Variants in ZDHHC20 observed in about 807,000 individuals in gnomAD.
The protein encoded by ZDHHC20 is zDHHC palmitoyltransferase 20.
Under a neutral mutation model 57.8 loss-of-function variants are expected in ZDHHC20, and 43 were observed. The observed-to-expected ratio is 0.74, with a 90% CI of 0.58 to 0.96. ZDHHC20 has a LOEUF of 0.96. Ranked by LOEUF, ZDHHC20 falls within the 40% of genes least tolerant of loss-of-function variation. ZDHHC20 has a pLI of 0.00. For synonymous variants in ZDHHC20, 157 were observed against 153.0 expected, an observed-to-expected ratio of 1.03 and a Z score of -0.19; for missense variants, 391 against 441.1, an observed-to-expected ratio of 0.89 and a Z score of 1.02.
At chr13:21,404,549 A>G (rs9580101) in intron 4 of ZDHHC20, among the ~76,000 whole-genome samples, 77,362 of 151,764 alleles carry the variant, frequency 0.51, 20,233 homozygotes, top group Non-Finnish European at 0.58. Context: ...TCAGGAGATT[A>G]AGACCATCCT....
At chr13:21,425,701 G>T in intron 1 of ZDHHC20, 23 bp from the exon 2 acceptor site, 1 of 1,114,518 alleles carries the variant, frequency 9.0e-7, no homozygotes, top group East Asian at 3.4e-5. Flanking sequence ...AAAAAATAGT[G>T]AATAAATATA....
intron 11 of ZDHHC20, among the ~76,000 whole-genome samples, chr13:21,379,988 T>C (rs1008442642): frequency 1.3e-5 from 2 of 150,498 alleles, no homozygotes; most frequent in African/African-American, 4.9e-5. Flanking sequence ...TCTAATTTTT[T>C]GTATTTTCAG....
chr13:21,429,270 G>A (rs1488603477), intron 1 of ZDHHC20, among the ~76,000 whole-genome samples: 3 of 152,186 alleles, frequency 2.0e-5, no homozygotes, highest in Admixed American at 6.5e-5. Flanking sequence ...TGAGAAAGAA[G>A]CTCTATTATT....
intron 1 of ZDHHC20, among the ~76,000 whole-genome samples, chr13:21,430,636 T>C (rs112637168): frequency 5.3e-5 from 8 of 152,208 alleles, no homozygotes; most frequent in African/African-American, 1.9e-4. Context: ...GGGCAGTTAT[T>C]GTCTACAAGT....
chr13:21,424,743 A>G (rs553342782), intron 2 of ZDHHC20, among the ~76,000 whole-genome samples: 18 of 151,954 alleles, frequency 1.2e-4, no homozygotes, highest in African/African-American at 4.3e-4. Flanking sequence ...GAGACACGGT[A>G]AAAATAGCCC....
At position 21,375,265 on chromosome 13, in the gene ZDHHC20, G is replaced by C. The variant is rs1250051925; in HGVS notation, c.*1431C>G. ...CCCTGCAGTCCCATTTTACAGACAG[G>C]AAGCTCCAACCTGTAGTACTCACAG... On this transcript the variant is annotated 3_prime_UTR_variant, in exon 13 of 13. Coordinates refer to ENST00000400590, the MANE Select transcript of ZDHHC20 (RefSeq NM_001330059.2). 1 of 435,766 alleles carries C rather than the reference G, an allele frequency of 2.3e-6. No individual in the cohort carries two copies. Among genetic ancestry groups the C allele is most frequent in the African/African-American group, 2.0e-5 (1 of 49,342 alleles). The allele number at this position is 435,766 out of a possible 1,614,324, so 27.0% of individuals were successfully genotyped here.
rs71093307 is a variant in ZDHHC20, at chr13:21,393,699, C to CAAAAAAAAA, written c.595-1854_595-1846dup. Among the ~76,000 whole-genome samples, 95 of 63,414 alleles carry CAAAAAAAAA rather than the reference C, an allele frequency of 1.5e-3. 4 individuals are homozygous for CAAAAAAAAA. Among genetic ancestry groups the CAAAAAAAAA allele is most frequent in the African/African-American group, 6.9e-3 (92 of 13,320 alleles). The allele number at this position is 63,414 out of a possible 152,430, so 41.6% of individuals were successfully genotyped here. On this transcript the variant is annotated intron_variant, in intron 7 of 12. Coordinates refer to ENST00000400590, the MANE Select transcript of ZDHHC20 (RefSeq NM_001330059.2). The stretch of plus-strand genomic sequence containing the variant: ...AGCCTGGGCGACACAGCAAGTCTCA[C>CAAAAAAAAA]AAAAAAAAAAAAAAAAAAAAAAAAA...
chr13:21,419,995 A>C (rs948367898), intron 3 of ZDHHC20, among the ~76,000 whole-genome samples: 1 of 152,174 alleles, frequency 6.6e-6, no homozygotes, highest in Admixed American at 6.6e-5. Flanking sequence ...CTAGTATTTT[A>C]AAAGCTTAGG....
chr13:21,399,313 C>A lies in ZDHHC20; in HGVS notation c.594+1060G>T, dbSNP rs566558822. Among the ~76,000 whole-genome samples the A allele has an allele frequency of 1.6e-4, 24 of 151,612 alleles. No homozygotes were observed. The South Asian group carries it at 5.0e-3, about 32-fold the overall frequency. ...TAAGATGAGATCGCGCCACTGCACTCCAGCCTGGGTGACCAAGCAAGATTC... is the reference window on the plus strand; with the variant it reads ...TAAGATGAGATCGCGCCACTGCACTACAGCCTGGGTGACCAAGCAAGATTC... On this transcript the variant is annotated intron_variant, in intron 7 of 12. Transcript: ENST00000400590.
At chr13:21,435,194 CA>C (rs959055216) in intron 1 of ZDHHC20, among the ~76,000 whole-genome samples, 25 of 151,758 alleles carry the variant, frequency 1.6e-4, no homozygotes, top group African/African-American at 4.8e-4. Context: ...GTGTCATTTT[CA>C]TTTTTTTTTT....
intron 1 of ZDHHC20, among the ~76,000 whole-genome samples, chr13:21,430,708 T>G (rs940528625): frequency 2.0e-5 from 3 of 152,040 alleles, no homozygotes; most frequent in African/African-American, 7.3e-5. Context: ...TTTTCTAGGG[T>G]TTGTTTTGGT....
intron 1 of ZDHHC20, among the ~76,000 whole-genome samples, chr13:21,442,449 T>A (rs1481514505): frequency 1.3e-5 from 2 of 152,234 alleles, no homozygotes; most frequent in African/African-American, 4.8e-5. Flanking sequence ...ACTGTTTTTA[T>A]TGAGTTTTAA....
chr13:21,406,816 G>A (rs982617623), intron 4 of ZDHHC20, among the ~76,000 whole-genome samples: 5 of 151,994 alleles, frequency 3.3e-5, no homozygotes, highest in African/African-American at 9.7e-5. Context: ...CCAAGTCTTC[G>A]CTATTGTGAA....
At chr13:21,440,510 C>G (rs1484103444) in intron 1 of ZDHHC20, among the ~76,000 whole-genome samples, 3 of 152,012 alleles carry the variant, frequency 2.0e-5, no homozygotes, top group Admixed American at 1.3e-4. Flanking sequence ...ACTTGGGAGG[C>G]TGAGGCACAA....
chr13:21,422,788 C>T (rs1407761162), intron 2 of ZDHHC20, among the ~76,000 whole-genome samples: 1 of 152,104 alleles, frequency 6.6e-6, no homozygotes, highest in Non-Finnish European at 1.5e-5. Context: ...AAATATGTTG[C>T]TCATAGTTTC....
At chr13:21,449,209 A>G (rs1451342519) in intron 1 of ZDHHC20, among the ~76,000 whole-genome samples, 1 of 151,482 alleles carries the variant, frequency 6.6e-6, no homozygotes, top group African/African-American at 2.4e-5. Context: ...CCCAAGAATT[A>G]TCAATAAAAA....
chr13:21,410,010 C>A (rs1878992292), intron 4 of ZDHHC20, among the ~76,000 whole-genome samples: 1 of 152,206 alleles, frequency 6.6e-6, no homozygotes, highest in Non-Finnish European at 1.5e-5. Flanking sequence ...TTTTCCTCAT[C>A]TTCGTGGATT....
intron 3 of ZDHHC20, among the ~76,000 whole-genome samples, chr13:21,417,231 C>A (rs1383843088): frequency 6.6e-6 from 1 of 151,136 alleles, no homozygotes; most frequent in Admixed American, 6.6e-5. Context: ...TTACTTTGTT[C>A]TACTCTATCA....
chr13:21,439,974 C>T (rs1364280539), intron 1 of ZDHHC20, among the ~76,000 whole-genome samples: 1 of 141,438 alleles, frequency 7.1e-6, no homozygotes, highest in Non-Finnish European at 1.5e-5. Flanking sequence ...GGCCGAGGCA[C>T]AAGAATTGCT....
Sources: gnomAD v4.1 joint callset for allele counts (sites outside exome capture counted in the v4.1 genomes callset) on GRCh38, gnomAD v4.1.1 for gene constraint, MANE v1.5 for transcripts, NCBI Gene and HGNC (gene_info 2026-07-23, HGNC 2026-07-21) for gene names.